The following PPP6R1 variants were observed in gnomAD, a reference collection of about 807,000 sequenced individuals.
The protein encoded by PPP6R1 is serine/threonine-protein phosphatase 6 regulatory subunit 1.
Under a neutral mutation model 104.6 loss-of-function variants are expected in PPP6R1, and 39 were observed. That is an observed-to-expected ratio of 0.37 (90% CI 0.29 to 0.49). PPP6R1 has a LOEUF of 0.49. Ranked by LOEUF, PPP6R1 falls within the 20% of genes least tolerant of loss-of-function variation. The pLI, the probability that PPP6R1 is intolerant of heterozygous loss-of-function variation, is 0.98. For missense variants in PPP6R1, 1,181 were observed against 1,155.8 expected (o/e 1.02, Z -0.32); for synonymous variants, 549 against 479.0 (o/e 1.15, Z -1.91).
chr19:55,239,594 C>T lies in PPP6R1; in HGVS notation c.1653G>A (p.Gln551=). 2 of 1,611,050 alleles carry T rather than the reference C, an allele frequency of 1.2e-6. No homozygotes were observed. The highest frequency in any genetic ancestry group is 1.7e-6 in the Non-Finnish European group (2 of 1,178,600). The part of the protein sequence containing the change: ...FNFPEEAVLQ[Q]AFMDFQMQRM... ...CAGCCCCACATAGCCCCACGCCCACCTGCTGCAGCACAGCCTCCTCAGGGA... is the reference window on the plus strand; with the variant it reads ...CAGCCCCACATAGCCCCACGCCCACTTGCTGCAGCACAGCCTCCTCAGGGA... Residue 551 remains glutamine, a splice_region_variant and synonymous_variant, in exon 14 of 24, where the codon CAG becomes CAA. Coordinates refer to ENST00000412770, the MANE Select transcript of PPP6R1 (RefSeq NM_014931.4).
At chr19:55,252,396 ATTTTTTTT>A (rs1179232184) in intron 1 of PPP6R1, among the ~76,000 whole-genome samples, 1 of 70,590 alleles carries the variant, frequency 1.4e-5, no homozygotes, top group Non-Finnish European at 2.8e-5. Flanking sequence ...TTCTTGGCTG[ATTTTTTTT>A]TTTTTTTTTT....
chr19:55,250,222 C>G (rs1325419831), intron 1 of PPP6R1, among the ~76,000 whole-genome samples: 3 of 152,222 alleles, frequency 2.0e-5, no homozygotes, highest in Non-Finnish European at 4.4e-5. Flanking sequence ...GCCATCACCT[C>G]CACCAACTCT....
intron 21 of PPP6R1, among the ~76,000 whole-genome samples, 185 bp downstream of exon 21, chr19:55,231,225 C>T (rs558973263): frequency 1.3e-5 from 2 of 152,256 alleles, no homozygotes; most frequent in East Asian, 3.9e-4. Context: ...CCCAAGCATC[C>T]CAGGCTACTA....
At chr19:55,230,711 G>T in intron 22 of PPP6R1, 27 bp from the exon 23 acceptor site, 1 of 1,542,098 alleles carries the variant, frequency 6.5e-7, no homozygotes. Flanking sequence ...GGGATGTGCA[G>T]AGGTCACTTC....
At chr19:55,256,047 T>C (rs1318411789) in intron 1 of PPP6R1, among the ~76,000 whole-genome samples, 1 of 152,148 alleles carries the variant, frequency 6.6e-6, no homozygotes, top group Non-Finnish European at 1.5e-5. Flanking sequence ...GAGAAAGGTG[T>C]TCTGTTAAGA....
intron 1 of PPP6R1, among the ~76,000 whole-genome samples, chr19:55,258,045 G>A (rs1568953397): frequency 6.6e-6 from 1 of 152,250 alleles, no homozygotes. Flanking sequence ...ATCGGGGCGA[G>A]AGGGAAGGGT....
intron 17 of PPP6R1, among the ~76,000 whole-genome samples, chr19:55,234,444 G>C (rs1299459458): frequency 3.9e-5 from 6 of 152,162 alleles, no homozygotes; most frequent in African/African-American, 1.4e-4. Context: ...AACTGGTGCA[G>C]GGAAAACTGG....
chr19:55,253,802 T>C (rs1266452565), intron 1 of PPP6R1, among the ~76,000 whole-genome samples: 2 of 152,230 alleles, frequency 1.3e-5, no homozygotes, highest in South Asian at 2.1e-4. Flanking sequence ...TGAAGCCTGC[T>C]AGAATCCCTG....
At chr19:55,258,015 G>C (rs1053366654) in intron 1 of PPP6R1, among the ~76,000 whole-genome samples, 2 of 152,260 alleles carry the variant, frequency 1.3e-5, no homozygotes, top group African/African-American at 4.8e-5. Context: ...CTGCGCCACG[G>C]AAGAGGTGGC....
chr19:55,236,803 C>T lies in PPP6R1; in HGVS notation c.1828G>A (p.Glu610Lys). The change falls in exon 17 of 24, where the codon GAG becomes AAG. Residue 610 changes from glutamate (E) to lysine (K), a missense_variant. Glu to Lys is a moderately conservative substitution (Grantham distance 56, BLOSUM62 1). Coordinates refer to ENST00000412770, the MANE Select transcript of PPP6R1 (RefSeq NM_014931.4). ...DDENPNANLL[E>K]ICYKDRIQQF... Reference sequence around the variant, plus strand: ...TGGATGCGGTCCTTGTAGCATATCTCAAGTAGGTTGGCGTTGGGCTGCAGG... The same window carrying T: ...TGGATGCGGTCCTTGTAGCATATCTTAAGTAGGTTGGCGTTGGGCTGCAGG... The T allele has an allele frequency of 6.2e-7, 1 of 1,613,860 alleles. No homozygotes were observed. The highest frequency in any genetic ancestry group is 1.1e-5 in the South Asian group (1 of 91,068).
chr19:55,248,315 A>C (rs971968368), intron 1 of PPP6R1, among the ~76,000 whole-genome samples: 2 of 152,190 alleles, frequency 1.3e-5, no homozygotes, highest in Non-Finnish European at 2.9e-5. Context: ...AAGCCCGGTA[A>C]GTCAGGCGGC....
chr19:55,252,780 TGCCTGCCTCGGCCTCCCA>T (rs1443319649), intron 1 of PPP6R1, among the ~76,000 whole-genome samples: 1 of 151,998 alleles, frequency 6.6e-6, no homozygotes, highest in Non-Finnish European at 1.5e-5. Flanking sequence ...TCAAGTGATC[TGCCTGCCTCGGCCTCCCA>T]AAGTGCTGGG....
intron 1 of PPP6R1, 112 bp from the exon 2 acceptor site, chr19:55,247,221 G>A: frequency 4.4e-6 from 5 of 1,126,714 alleles, no homozygotes; most frequent in Non-Finnish European, 6.5e-6. Flanking sequence ...CTCTCCCCAA[G>A]TCCCAGCCCT....
At position 55,240,985 on chromosome 19, in the gene PPP6R1, C is replaced by T. The variant is rs1175379361; in HGVS notation, c.1256G>A (p.Ser419Asn). The T allele has an allele frequency of 1.2e-6, 2 of 1,600,590 alleles. No individual in the cohort carries two copies. Among genetic ancestry groups the T allele is most frequent in the Non-Finnish European group, 1.7e-6 (2 of 1,174,050 alleles). Reference sequence around the variant, plus strand: ...GTTTTGGATGGGCGTCTCAGGGCTGCTGTCAGGAGGTGGCCCCAAGCTCAG... The same window carrying T: ...GTTTTGGATGGGCGTCTCAGGGCTGTTGTCAGGAGGTGGCCCCAAGCTCAG... ...TMLSLGPPPD[S>N]SPETPIQNPV... The change falls in exon 10 of 24, where the codon AGC becomes AAC. Residue 419 changes from serine to asparagine, a missense_variant. Ser to Asn is a conservative substitution (Grantham distance 46). Transcript: ENST00000412770.
intron 1 of PPP6R1, among the ~76,000 whole-genome samples, chr19:55,254,465 T>G (rs1398586355): frequency 6.6e-6 from 1 of 152,132 alleles, no homozygotes. Context: ...TTCCCCTGCT[T>G]GGACAGGCAC....
intron 1 of PPP6R1, among the ~76,000 whole-genome samples, chr19:55,257,645 G>A (rs1286811287): frequency 7.9e-5 from 12 of 151,920 alleles, no homozygotes; most frequent in Non-Finnish European, 2.9e-5. Flanking sequence ...AGAAAAAGCC[G>A]TCCGTCCAGT....
Position 55,244,926 on chromosome 19 carries a change from C to T in PPP6R1, c.618+194G>A, listed in dbSNP as rs530132219. ...ACTCAGCTAAGTTTTTACGTAGAGA[C>T]GGGGTGTTACTATGTTGCCCAAGCT... On this transcript the variant is annotated intron_variant, in intron 5 of 23. Coordinates refer to ENST00000412770, the MANE Select transcript of PPP6R1 (RefSeq NM_014931.4). Among the ~76,000 whole-genome samples the T allele has an allele frequency of 5.9e-5, 9 of 152,130 alleles. No individual in the cohort carries two copies. In the East Asian group the frequency reaches 1.4e-3, roughly 23 times the overall value.
Position 55,239,578 on chromosome 19 carries a change from A to G in PPP6R1, c.1653+16T>C, listed in dbSNP as rs2087431171. 3 of 1,610,484 alleles carry G rather than the reference A, an allele frequency of 1.9e-6. No individual in the cohort carries two copies. In the Admixed American group the frequency reaches 5.0e-5, roughly 27 times the overall value. ...CCAGCATAGCCCAGCACAGCCCCACATAGCCCCACGCCCACCTGCTGCAGC... is the reference window on the plus strand; with the variant it reads ...CCAGCATAGCCCAGCACAGCCCCACGTAGCCCCACGCCCACCTGCTGCAGC... On this transcript the variant is annotated intron_variant, in intron 14 of 23. Transcript: ENST00000412770.
At chr19:55,257,740 C>T (rs1436989961) in intron 1 of PPP6R1, among the ~76,000 whole-genome samples, 1 of 152,222 alleles carries the variant, frequency 6.6e-6, no homozygotes, top group Non-Finnish European at 1.5e-5. Flanking sequence ...TGTGACTGTC[C>T]GGCTCTGCCT....
Sources: allele counts gnomAD v4.1 joint callset (sites outside exome capture counted in the v4.1 genomes callset), GRCh38; gene constraint gnomAD v4.1.1; transcripts MANE v1.5; gene names NCBI Gene and HGNC (gene_info 2026-07-23, HGNC 2026-07-21).